STK3: variants seen among roughly 807,000 people sequenced by gnomAD.
STK3 encodes the protein serine/threonine-protein kinase 3.
A neutral mutation model predicts 58.0 loss-of-function variants in STK3; 41 were observed. The observed-to-expected ratio is 0.71, with a 90% CI of 0.55 to 0.92. STK3 has a LOEUF of 0.92. Among genes scored for constraint, STK3 ranks in the 40% least tolerant of loss-of-function variants. The pLI is 0.00. For synonymous variants in STK3, 170 were observed against 191.0 expected, an observed-to-expected ratio of 0.89 and a Z score of 0.91; for missense variants, 479 against 602.7, an observed-to-expected ratio of 0.79 and a Z score of 2.15.
At chr8:98,497,366 AG>A (rs1343867470) in intron 10 of STK3, among the ~76,000 whole-genome samples, 1 of 152,162 alleles carries the variant, frequency 6.6e-6, no homozygotes, top group Non-Finnish European at 1.5e-5. Flanking sequence ...GTAAGTGTAA[AG>A]CTTTGTGACC....
intron 2 of STK3, among the ~76,000 whole-genome samples, chr8:98,376,696 C>A (rs1350129352): frequency 6.6e-6 from 1 of 152,132 alleles, no homozygotes; most frequent in Non-Finnish European, 1.5e-5. Flanking sequence ...CCTCCCAGTA[C>A]AAAGATATTT....
At chr8:98,653,730 T>C (rs979206252) in intron 6 of STK3, among the ~76,000 whole-genome samples, 4 of 152,142 alleles carry the variant, frequency 2.6e-5, no homozygotes. Context: ...CTAGAAAATC[T>C]AGAAGAAATG....
chr8:98,919,043 G>A (rs546531730), intron 1 of STK3, among the ~76,000 whole-genome samples: 2 of 152,162 alleles, frequency 1.3e-5, no homozygotes, highest in East Asian at 1.9e-4. Flanking sequence ...AGGCAAAGAA[G>A]TAGAGAGTGT....
intron 4 of STK3, among the ~76,000 whole-genome samples, chr8:98,745,667 G>A (rs529352782): frequency 6.6e-6 from 1 of 152,192 alleles, no homozygotes; most frequent in Non-Finnish European, 1.5e-5. Flanking sequence ...CTAATAAGCA[G>A]AGCAGACCTT....
At chr8:98,363,249 A>T in the STK3 span, among the ~76,000 whole-genome samples, 1 of 152,196 alleles carries the variant, frequency 6.6e-6, no homozygotes, top group East Asian at 1.9e-4. Flanking sequence ...CATGGCACCC[A>T]GCTCAATGCC....
chr8:98,838,176 G>A (rs1212079311), intron 3 of STK3, among the ~76,000 whole-genome samples: 1 of 151,678 alleles, frequency 6.6e-6, no homozygotes, highest in Admixed American at 6.6e-5. Context: ...CCTAGAGGCA[G>A]AGGTTGCAGT....
At chr8:98,857,024 C>T (rs1836710299) in intron 3 of STK3, among the ~76,000 whole-genome samples, 3 of 151,956 alleles carry the variant, frequency 2.0e-5, no homozygotes, top group Admixed American at 6.6e-5. Flanking sequence ...AAGAAAAAAC[C>T]TGGATTAATA....
intron 6 of STK3, among the ~76,000 whole-genome samples, chr8:98,671,463 C>T (rs1822825091): frequency 6.6e-6 from 1 of 152,138 alleles, no homozygotes; most frequent in Non-Finnish European, 1.5e-5. Context: ...AGAAAGACAG[C>T]AGGAAATAAA....
chr8:98,364,779 GA>G, the STK3 span, among the ~76,000 whole-genome samples: 14 of 152,152 alleles, frequency 9.2e-5, 1 homozygote, highest in Non-Finnish European at 4.4e-5. Context: ...CTTCCAGTTG[GA>G]CTTAGCCAAC....
chr8:98,587,792 T>C (rs1814795109), intron 7 of STK3, among the ~76,000 whole-genome samples: 1 of 152,144 alleles, frequency 6.6e-6, no homozygotes, highest in African/African-American at 2.4e-5. Flanking sequence ...CTGTGTTGGG[T>C]GCATATATAT....
intron 1 of STK3, among the ~76,000 whole-genome samples, chr8:98,928,815 C>G (rs1201938169): frequency 6.6e-6 from 1 of 152,204 alleles, no homozygotes; most frequent in Non-Finnish European, 1.5e-5. Context: ...CCCTGCAAAA[C>G]TGGCTTTATG....
intron 3 of STK3, among the ~76,000 whole-genome samples, chr8:98,402,879 C>A (rs1400274054): frequency 6.6e-6 from 1 of 152,170 alleles, no homozygotes; most frequent in Admixed American, 6.5e-5. Context: ...CTTCTCTGAC[C>A]CCTTCCAGAG....
At chr8:98,734,626 T>C (rs1240636202) in intron 4 of STK3, among the ~76,000 whole-genome samples, 1 of 152,192 alleles carries the variant, frequency 6.6e-6, no homozygotes, top group Non-Finnish European at 1.5e-5. Context: ...CTAACCTATC[T>C]TTTAAGAGCT....
At chr8:98,408,328 A>C (rs1586551038) in intron 3 of STK3, among the ~76,000 whole-genome samples, 1 of 152,358 alleles carries the variant, frequency 6.6e-6, no homozygotes. Context: ...ATTTTCCACC[A>C]CAACAATAAT....
chr8:98,481,793 C>G (rs1686079472), intron 10 of STK3, among the ~76,000 whole-genome samples: 1 of 150,234 alleles, frequency 6.7e-6, no homozygotes, highest in Non-Finnish European at 1.5e-5. Context: ...AACATAAATT[C>G]TGAACATTAT....
intron 3 of STK3, chr8:98,427,125 GA>G (rs1430905157): frequency 6.6e-6 from 1 of 150,394 alleles, no homozygotes; most frequent in Non-Finnish European, 1.5e-5. Context: ...AGCCACCTGT[GA>G]GCCTTCGGCA....
chr8:98,450,203 G>C (rs992677977), downstream of STK3, among the ~76,000 whole-genome samples: 4 of 152,162 alleles, frequency 2.6e-5, no homozygotes, highest in Non-Finnish European at 5.9e-5. Flanking sequence ...AGGCCCTTAC[G>C]AGAAGGCCTA....
chr8:98,933,983 T>G (rs528302051), intron 1 of STK3, among the ~76,000 whole-genome samples: 1 of 152,356 alleles, frequency 6.6e-6, no homozygotes, highest in South Asian at 2.1e-4. Flanking sequence ...GTCCTTGGGC[T>G]CTGGCTGAGC....
intron 8 of STK3, among the ~76,000 whole-genome samples, chr8:98,573,321 T>C (rs1813115729): frequency 6.6e-6 from 1 of 152,182 alleles, no homozygotes; most frequent in Non-Finnish European, 1.5e-5. Context: ...TCCACATGGC[T>C]GGGGAGGCCT....
Sources: gnomAD v4.1 joint callset for allele counts (sites outside exome capture counted in the v4.1 genomes callset) on GRCh38, gnomAD v4.1.1 for gene constraint, MANE v1.5 for transcripts, NCBI Gene and HGNC (gene_info 2026-07-23, HGNC 2026-07-21) for gene names.